The following ANO10 variants were observed in gnomAD, a reference collection of about 807,000 sequenced individuals.
The protein encoded by ANO10 is anoctamin-10.
Under a neutral mutation model 74.7 loss-of-function variants are expected in ANO10, and 77 were observed. The ratio of observed to expected loss-of-function variants is 1.03; its 90% CI spans 0.86 to 1.25. The LOEUF (loss-of-function observed/expected upper bound fraction) is 1.25. ANO10 is among the 50% of genes most tolerant of loss of function. The pLI, the probability that ANO10 is intolerant of heterozygous loss-of-function variation, is 0.00. For missense variants in ANO10, 721 were observed against 778.1 expected (o/e 0.93, Z 0.87); for synonymous variants, 279 against 284.9 (o/e 0.98, Z 0.21).
At chr3:43,613,110 G>A (rs753585214) in intron 1 of ANO10, among the ~76,000 whole-genome samples, 14 of 151,936 alleles carry the variant, frequency 9.2e-5, no homozygotes, top group East Asian at 5.8e-4. Flanking sequence ...GGAGGTTGCA[G>A]TGAGCCAAGG....
At chr3:43,504,650 A>T (rs547463312) in intron 11 of ANO10, among the ~76,000 whole-genome samples, 201 of 149,032 alleles carry the variant, frequency 1.3e-3, no homozygotes, top group East Asian at 2.9e-3. Context: ...TTATTTATTT[A>T]TTTTTTTTTT....
At chr3:43,631,781 G>GA (rs58386853) in intron 1 of ANO10, among the ~76,000 whole-genome samples, 1 of 149,666 alleles carries the variant, frequency 6.7e-6, no homozygotes, top group Non-Finnish European at 1.5e-5. Flanking sequence ...AGAAAGAAAA[G>GA]AAAAAAAAAG....
intron 11 of ANO10, among the ~76,000 whole-genome samples, chr3:43,437,889 A>AGGAAAAATGGCCCAAGCAAAGAAACAC (rs2093095674): frequency 6.6e-6 from 1 of 152,100 alleles, no homozygotes; most frequent in Non-Finnish European, 1.5e-5. Context: ...AAAAAAAACA[A>AGGAAAAATGGCCCAAGCAAAGAAACAC]GGAAAAATGG....
chr3:43,516,013 G>A (rs17474028), intron 11 of ANO10, among the ~76,000 whole-genome samples: 7,348 of 152,116 alleles, frequency 0.048, 206 homozygotes, highest in Non-Finnish European at 0.059. Flanking sequence ...CATTCTCTTC[G>A]TGATCTGAGA....
intron 11 of ANO10, among the ~76,000 whole-genome samples, chr3:43,498,220 G>A (rs1373004468): frequency 6.6e-6 from 1 of 152,208 alleles, no homozygotes; most frequent in African/African-American, 2.4e-5. Context: ...CTGACTGGCT[G>A]TTGGCAGGTA....
At chr3:43,473,170 C>A (rs7640656) in intron 11 of ANO10, among the ~76,000 whole-genome samples, 2 of 151,712 alleles carry the variant, frequency 1.3e-5, no homozygotes, top group Non-Finnish European at 2.9e-5. Context: ...TTTTTTATAG[C>A]TGTTTTCCTA....
intron 12 of ANO10, among the ~76,000 whole-genome samples, chr3:43,387,832 C>T (rs556971016): frequency 1.6e-4 from 25 of 152,240 alleles, no homozygotes; most frequent in Admixed American, 4.6e-4. Flanking sequence ...CAGAAGTCCC[C>T]GAGTGGCTAA....
At chr3:43,523,233 C>T (rs150707028) in intron 11 of ANO10, among the ~76,000 whole-genome samples, 22 of 152,228 alleles carry the variant, frequency 1.4e-4, no homozygotes, top group African/African-American at 5.3e-4. Flanking sequence ...TAAGCAAGAG[C>T]TCATTCCATT....
chr3:43,671,168 A>T (rs2084054785), intron 1 of ANO10, among the ~76,000 whole-genome samples: 1 of 152,178 alleles, frequency 6.6e-6, no homozygotes, highest in Non-Finnish European at 1.5e-5. Context: ...TGCAGGTGTT[A>T]TTTAAACCTG....
chr3:43,434,795 G>A (rs951369798), intron 11 of ANO10, among the ~76,000 whole-genome samples: 5 of 152,214 alleles, frequency 3.3e-5, no homozygotes, highest in Non-Finnish European at 5.9e-5. Flanking sequence ...TTTTGCTGCT[G>A]TGGTTTCCAT....
chr3:43,609,554 A>T (rs1221835261), intron 1 of ANO10, among the ~76,000 whole-genome samples: 1 of 152,218 alleles, frequency 6.6e-6, no homozygotes, highest in Non-Finnish European at 1.5e-5. Context: ...GTCATACATC[A>T]CTTAATGACA....
intron 11 of ANO10, among the ~76,000 whole-genome samples, chr3:43,507,216 C>A (rs984109719): frequency 3.3e-5 from 5 of 152,148 alleles, no homozygotes; most frequent in Non-Finnish European, 7.4e-5. Context: ...TCACTGGGTA[C>A]CTTCTTTCAC....
chr3:43,424,426 T>A (rs2092867529), intron 12 of ANO10: 2 of 152,270 alleles, frequency 1.3e-5, no homozygotes, highest in African/African-American at 4.8e-5. Context: ...ACCACCTTTA[T>A]AAAACTAACA....
At chr3:43,407,333 G>C (rs1488255982) in intron 12 of ANO10, among the ~76,000 whole-genome samples, 1 of 152,192 alleles carries the variant, frequency 6.6e-6, no homozygotes, top group Non-Finnish European at 1.5e-5. Flanking sequence ...CTGGAATTCA[G>C]ACCACAGATT....
chr3:43,392,326 T>TA (rs1208746460), intron 12 of ANO10, among the ~76,000 whole-genome samples: 1 of 152,182 alleles, frequency 6.6e-6, no homozygotes, highest in Non-Finnish European at 1.5e-5. Context: ...GTGTGTGGTT[T>TA]AAAAAAATAA....
At chr3:43,580,241 C>A (rs970078716) in intron 5 of ANO10, 112 bp downstream of exon 5, 1 of 1,421,614 alleles carries the variant, frequency 7.0e-7, no homozygotes, top group Non-Finnish European at 9.9e-7. Flanking sequence ...GCTGGTGATC[C>A]CTGCCCAGTA....
At chr3:43,662,114 C>T (rs537142793) in intron 1 of ANO10, among the ~76,000 whole-genome samples, 3 of 152,190 alleles carry the variant, frequency 2.0e-5, no homozygotes, top group Non-Finnish European at 4.4e-5. Context: ...TTCTTCTCAG[C>T]ACTACGTCGC....
At chr3:43,688,810 C>T (rs1480178306) in intron 1 of ANO10, among the ~76,000 whole-genome samples, 1 of 150,914 alleles carries the variant, frequency 6.6e-6, no homozygotes, top group Admixed American at 6.6e-5. Context: ...TGCCACTGCA[C>T]TCCAGCCAGG....
At position 43,502,210 on chromosome 3, in the gene ANO10, C is replaced by T. The variant is rs143591309; in HGVS notation, c.1797+47510G>A. The stretch of plus-strand genomic sequence containing the variant: ...GCATCTTGAAGAGATACATGTATAC[C>T]TATGTTTATAAAACATTATTCACAA... On this transcript the variant is annotated intron_variant, in intron 11 of 12. Transcript: ENST00000292246. 2.9e-3 allele frequency among the ~76,000 whole-genome samples: 446 copies of T among 152,144 alleles called. 2 individuals carry two copies. The highest frequency in any genetic ancestry group is 0.01 in the Middle Eastern group (3 of 294).
Sources: gnomAD v4.1 joint callset for allele counts (sites outside exome capture counted in the v4.1 genomes callset) on GRCh38, gnomAD v4.1.1 for gene constraint, MANE v1.5 for transcripts, NCBI Gene and HGNC (gene_info 2026-07-23, HGNC 2026-07-21) for gene names.